CDH20: variants seen among roughly 807,000 people sequenced by gnomAD.
The protein encoded by CDH20 is cadherin-20.
CDH20 carries 29 observed loss-of-function variants against 74.2 expected under a neutral mutation model. The observed-to-expected ratio is 0.39, with a 90% CI of 0.29 to 0.53. The LOEUF (loss-of-function observed/expected upper bound fraction) is 0.53. Ranked by LOEUF, CDH20 falls within the 20% of genes least tolerant of loss-of-function variation. The pLI, the probability that CDH20 is intolerant of heterozygous loss-of-function variation, is 0.69. For synonymous variants in CDH20, 469 were observed against 405.4 expected, an observed-to-expected ratio of 1.16 and a Z score of -1.88; for missense variants, 988 against 1,048.3, an observed-to-expected ratio of 0.94 and a Z score of 0.79.
intron 1 of CDH20, among the ~76,000 whole-genome samples, chr18:61,421,552 T>C (rs1912878644): frequency 6.6e-6 from 1 of 152,170 alleles, no homozygotes. Flanking sequence ...CTTACAAATA[T>C]AAACTATCAC....
At chr18:61,451,981 G>A (rs79414054) in intron 1 of CDH20, among the ~76,000 whole-genome samples, 12,222 of 152,024 alleles carry the variant, frequency 0.08, 611 homozygotes, top group South Asian at 0.13. Context: ...TGTCTGTTGT[G>A]GTCTTAGTAC....
intron 1 of CDH20, among the ~76,000 whole-genome samples, chr18:61,372,715 G>A (rs921531109): frequency 5.8e-4 from 88 of 152,296 alleles, no homozygotes; most frequent in African/African-American, 2.0e-3. Context: ...AGCTACGCTT[G>A]TTGATTTATG....
At chr18:61,487,475 G>C (rs1910807501) in intron 1 of CDH20, among the ~76,000 whole-genome samples, 1 of 152,182 alleles carries the variant, frequency 6.6e-6, no homozygotes, top group African/African-American at 2.4e-5. Context: ...TAGAAATAAA[G>C]TGCTTTGCAC....
intron 1 of CDH20, among the ~76,000 whole-genome samples, chr18:61,377,261 G>T (rs1599045396): frequency 1.3e-5 from 2 of 152,036 alleles, no homozygotes; most frequent in East Asian, 3.9e-4. Flanking sequence ...AGAATTTCAT[G>T]ACCATATTTA....
intron 2 of CDH20, among the ~76,000 whole-genome samples, chr18:61,498,837 T>C (rs1911261051): frequency 6.6e-6 from 1 of 152,216 alleles, no homozygotes; most frequent in Non-Finnish European, 1.5e-5. Flanking sequence ...TTTTCTTAAG[T>C]GGAAAGGCAG....
intron 1 of CDH20, among the ~76,000 whole-genome samples, chr18:61,430,799 A>C (rs1913227813): frequency 6.6e-6 from 1 of 152,014 alleles, no homozygotes; most frequent in Admixed American, 6.6e-5. Flanking sequence ...TTTGTTTTTC[A>C]AGCTCTTTCT....
intron 4 of CDH20, among the ~76,000 whole-genome samples, chr18:61,502,559 T>C (rs1310238670): frequency 2.6e-5 from 4 of 152,148 alleles, no homozygotes; most frequent in Non-Finnish European, 5.9e-5. Context: ...TTATCTAAAT[T>C]CACAGATTTG....
At chr18:61,437,287 C>T (rs1163041764) in intron 1 of CDH20, among the ~76,000 whole-genome samples, 1 of 152,174 alleles carries the variant, frequency 6.6e-6, no homozygotes, top group Non-Finnish European at 1.5e-5. Context: ...GGGTTCATGT[C>T]CACAGTCTCT....
chr18:61,408,571 T>C (rs1033585075), intron 1 of CDH20, among the ~76,000 whole-genome samples: 2 of 152,208 alleles, frequency 1.3e-5, no homozygotes, highest in Non-Finnish European at 2.9e-5. Context: ...CACAGACACT[T>C]CAAATCCCAG....
At chr18:61,502,025 G>C in intron 4 of CDH20, among the ~76,000 whole-genome samples, 1 of 152,154 alleles carries the variant, frequency 6.6e-6, no homozygotes, top group Non-Finnish European at 1.5e-5. Context: ...ATACATTATA[G>C]GGGTAAACTG....
Position 61,500,102 on chromosome 18 carries a change from T to TAAAAAAAAAAAAAAAA in CDH20, c.542-249_542-234dup, listed in dbSNP as rs534695760. 7.1e-5 allele frequency among the ~76,000 whole-genome samples: 4 copies of TAAAAAAAAAAAAAAAA among 56,528 alleles called. 1 individual carries two copies. The highest frequency in any genetic ancestry group is 1.5e-4 in the Non-Finnish European group (4 of 26,996). The allele number at this position is 56,528 out of a possible 152,430, so 37.1% of individuals were successfully genotyped here. A position where few individuals can be genotyped will look rare whatever the true frequency, so the allele number is the denominator to read the frequency against. On this transcript the variant is annotated intron_variant, in intron 3 of 11. Transcript: ENST00000262717. ...CTGGCGACAGAGTGAGACTCCATCTTAAAAAAAAAAAAAAAAAAAAAAAAA... is the reference window on the plus strand; with the variant it reads ...CTGGCGACAGAGTGAGACTCCATCTTAAAAAAAAAAAAAAAAAAAAAAAAAAAAAAAAAAAAAAAAA...
chr18:61,394,233 C>A (rs1402925157), intron 1 of CDH20, among the ~76,000 whole-genome samples: 1 of 152,076 alleles, frequency 6.6e-6, no homozygotes, highest in Non-Finnish European at 1.5e-5. Context: ...GTGAGCAGAG[C>A]CCCTAACACC....
chr18:61,504,810 A>G (rs375730098), intron 5 of CDH20, among the ~76,000 whole-genome samples: 88 of 152,224 alleles, frequency 5.8e-4, no homozygotes, highest in African/African-American at 1.9e-3. Flanking sequence ...CCTTGTATCT[A>G]TGTAAACACA....
At chr18:61,338,815 T>C (rs1424648254) in intron 1 of CDH20, among the ~76,000 whole-genome samples, 4 of 152,198 alleles carry the variant, frequency 2.6e-5, no homozygotes, top group Non-Finnish European at 4.4e-5. Context: ...TTCTGACTAA[T>C]GCCATTACCT....
At chr18:61,410,121 G>T (rs1912449609) in intron 1 of CDH20, among the ~76,000 whole-genome samples, 1 of 152,258 alleles carries the variant, frequency 6.6e-6, no homozygotes, top group South Asian at 2.1e-4. Flanking sequence ...GAGGCAGGGA[G>T]CTCCTTAGTT....
chr18:61,452,535 C>T (rs1599095076), intron 1 of CDH20, among the ~76,000 whole-genome samples: 2 of 151,930 alleles, frequency 1.3e-5, no homozygotes, highest in South Asian at 2.1e-4. Flanking sequence ...TTCTTGAATC[C>T]CAAAGTTTTA....
intron 1 of CDH20, among the ~76,000 whole-genome samples, chr18:61,365,191 A>G (rs1052580849): frequency 1.3e-5 from 2 of 152,244 alleles, no homozygotes; most frequent in African/African-American, 4.8e-5. Flanking sequence ...TTCATAGAAT[A>G]AATCAACAGT....
chr18:61,508,161 A>G lies in CDH20; in HGVS notation c.1017+601A>G, dbSNP rs1191920125. On this transcript the variant is annotated intron_variant, in intron 6 of 11. Coordinates refer to ENST00000262717, the MANE Select transcript of CDH20 (RefSeq NM_031891.4). The stretch of plus-strand genomic sequence containing the variant: ...TATGGATATACTGAGCTAGAAGATA[A>G]AACTTTTTAAAAATTGAATCTTTAA... Among the ~76,000 whole-genome samples, 3 of 152,210 alleles carry G rather than the reference A, an allele frequency of 2.0e-5. No homozygotes were observed. In the East Asian group the frequency reaches 5.8e-4, roughly 29 times the overall value.
rs554432543 is a variant in CDH20 at position 61,466,947 on chromosome 18, A to G, written c.-152-23455A>G. ...CAGCCATCCTTGCAGGTTCCCTTCCATACTCCCAGCAAACAATGTGCTTGG... is the reference window on the plus strand; with the variant it reads ...CAGCCATCCTTGCAGGTTCCCTTCCGTACTCCCAGCAAACAATGTGCTTGG... On this transcript the variant is annotated intron_variant, in intron 1 of 11. Transcript: ENST00000262717. Among the ~76,000 whole-genome samples the G allele has an allele frequency of 1.2e-4, 18 of 152,132 alleles. No homozygotes were observed. The South Asian group carries it at 3.3e-3, about 28-fold the overall frequency.
Sources: allele counts gnomAD v4.1 joint callset (sites outside exome capture counted in the v4.1 genomes callset), GRCh38; gene constraint gnomAD v4.1.1; transcripts MANE v1.5; gene names NCBI Gene and HGNC (gene_info 2026-07-23, HGNC 2026-07-21).